EDA: variants seen among roughly 807,000 people sequenced by gnomAD.
The protein encoded by EDA is ectodysplasin A.
A neutral mutation model predicts 23.6 loss-of-function variants in EDA; 2 were observed. The ratio of observed to expected loss-of-function variants is 0.08; its 90% CI spans 0.03 to 0.27. The LOEUF is 0.27. Ranked by LOEUF, EDA falls within the 10% of genes least tolerant of loss-of-function variation. The pLI is 1.00. For synonymous variants in EDA, 131 were observed against 132.0 expected, an observed-to-expected ratio of 0.99 and a Z score of 0.05; for missense variants, 229 against 324.2, an observed-to-expected ratio of 0.71 and a Z score of 2.26.
intron 1 of EDA, chrX:69,749,776 A>G (rs1039781764): frequency 3.6e-5 from 4 of 111,084 alleles, no homozygotes; most frequent in African/African-American, 1.3e-4. Flanking sequence ...ACAACACTAA[A>G]CTACATACAA....
At chrX:69,677,210 T>C in intron 1 of EDA, among the ~76,000 whole-genome samples, 1 of 105,346 alleles carries the variant, frequency 9.5e-6, no homozygotes, top group East Asian at 3.0e-4. Context: ...TGCCACATTT[T>C]CTTAATCCAG....
At chrX:69,947,163 C>T (rs991254767) in intron 1 of EDA, among the ~76,000 whole-genome samples, 8 of 112,462 alleles carry the variant, frequency 7.1e-5, no homozygotes, top group Non-Finnish European at 1.3e-4. Flanking sequence ...AATAAGCACA[C>T]ACTCCCAAGG....
At chrX:69,636,350 A>T (rs1205717701) in intron 1 of EDA, among the ~76,000 whole-genome samples, 1 of 110,616 alleles carries the variant, frequency 9.0e-6, no homozygotes, top group East Asian at 2.8e-4. Context: ...GAAGCCAAGC[A>T]GATGTAGGTA....
chrX:69,814,380 A>G (rs1218528003), intron 1 of EDA, among the ~76,000 whole-genome samples: 1 of 113,052 alleles, frequency 8.8e-6, no homozygotes, highest in Non-Finnish European at 1.9e-5. Context: ...GTATCAAAAT[A>G]CCTGCAGTTC....
At chrX:69,819,834 C>G (rs1215288772) in intron 1 of EDA, among the ~76,000 whole-genome samples, 2 of 106,599 alleles carry the variant, frequency 1.9e-5, no homozygotes, top group African/African-American at 7.0e-5. Context: ...ATGCTATTCT[C>G]GTTAAACTAC....
intron 1 of EDA, among the ~76,000 whole-genome samples, chrX:69,903,509 A>G (rs2018125966): frequency 9.1e-6 from 1 of 109,385 alleles, no homozygotes; most frequent in African/African-American, 3.3e-5. Flanking sequence ...GACATATTAT[A>G]TATTGTCTGT....
At position 70,033,262 on chromosome X, in the gene EDA, T is replaced by G. The variant is rs1358042410; in HGVS notation, c.794-136T>G. The G allele has an allele frequency of 3.7e-6, 3 of 819,339 alleles. No homozygotes were observed. In the African/African-American group the frequency reaches 6.0e-5, roughly 16 times the overall value. The allele number at this position is 819,339 out of a possible 1,213,427, so 67.5% of individuals were successfully genotyped here. On this transcript the variant is annotated intron_variant, in intron 6 of 7. Coordinates refer to ENST00000374552, the MANE Select transcript of EDA (RefSeq NM_001399.5). The stretch of plus-strand genomic sequence containing the variant: ...ACAGCTTCTCTGCTTTCAAATGCTC[T>G]TCTTAAAGTTTGGCCTTCTAGGCTA...
At chrX:69,851,287 C>G (rs1256979623) in intron 1 of EDA, among the ~76,000 whole-genome samples, 2 of 111,057 alleles carry the variant, frequency 1.8e-5, no homozygotes, top group Non-Finnish European at 3.8e-5. Context: ...TCTTCTCACC[C>G]TGCTCAATTT....
chrX:69,837,385 A>G (rs2016801095), intron 1 of EDA, among the ~76,000 whole-genome samples: 1 of 111,953 alleles, frequency 8.9e-6, no homozygotes, highest in African/African-American at 3.3e-5. Context: ...TAATTGTTCC[A>G]TGAGATGATG....
At chrX:69,673,832 C>T (rs567582519) in intron 1 of EDA, among the ~76,000 whole-genome samples, 1 of 111,572 alleles carries the variant, frequency 9.0e-6, no homozygotes, top group South Asian at 3.8e-4. Context: ...AAAGTCTATT[C>T]TCCAAGGAAT....
At chrX:69,903,985 G>C (rs1340514156) in intron 1 of EDA, among the ~76,000 whole-genome samples, 1 of 109,284 alleles carries the variant, frequency 9.2e-6, no homozygotes, top group Non-Finnish European at 1.9e-5. Flanking sequence ...TAATTTTTTT[G>C]TATTTTTTTT....
intron 1 of EDA, among the ~76,000 whole-genome samples, chrX:69,689,864 G>T (rs1229832635): frequency 9.0e-6 from 1 of 111,457 alleles, no homozygotes; most frequent in Admixed American, 9.5e-5. Flanking sequence ...GTAGTTTTCA[G>T]TATAAGTTCT....
chrX:69,759,513 A>G (rs1057174530), intron 1 of EDA, among the ~76,000 whole-genome samples: 1 of 112,036 alleles, frequency 8.9e-6, no homozygotes, highest in Non-Finnish European at 1.9e-5. Context: ...GACTCAGTGG[A>G]TAATTCCAGT....
At chrX:69,778,109 A>T (rs752384333) in intron 1 of EDA, among the ~76,000 whole-genome samples, 4 of 111,631 alleles carry the variant, frequency 3.6e-5, no homozygotes, top group African/African-American at 1.3e-4. Flanking sequence ...TTTTAATTCA[A>T]ACCTTCTGTA....
At chrX:69,718,152 G>A (rs1569307037) in intron 1 of EDA, among the ~76,000 whole-genome samples, 1 of 112,014 alleles carries the variant, frequency 8.9e-6, no homozygotes, top group East Asian at 2.8e-4. Flanking sequence ...ACCAGTGTGA[G>A]AATGGACTAA....
chrX:69,784,918 C>A, intron 1 of EDA, among the ~76,000 whole-genome samples: 1 of 111,262 alleles, frequency 9.0e-6, no homozygotes, highest in Non-Finnish European at 1.9e-5. Context: ...TTCTTCCTAC[C>A]CATGAGCATG....
chrX:69,999,545 G>A (rs1362285400), intron 2 of EDA, among the ~76,000 whole-genome samples: 2 of 107,900 alleles, frequency 1.9e-5, no homozygotes, highest in African/African-American at 6.8e-5. Context: ...CAACCCAGGA[G>A]GCAGAGGTTG....
rs1189179243 is a variant in EDA, at chrX:69,764,234, C to CTTTTTTTTTTTTTTTT, written c.396+147541_396+147556dup. Among the ~76,000 whole-genome samples, 12 of 44,544 alleles carry CTTTTTTTTTTTTTTTT rather than the reference C, an allele frequency of 2.7e-4. 1 individual carries two copies. The highest frequency in any genetic ancestry group is 4.9e-4 in the African/African-American group (5 of 10,145). The allele number at this position is 44,544 out of a possible 115,157, so 38.7% of individuals were successfully genotyped here. A position where few individuals can be genotyped will look rare whatever the true frequency, so the allele number is the denominator to read the frequency against. On this transcript the variant is annotated intron_variant, in intron 1 of 7. Transcript: ENST00000374552. ...CTACCACTCCCATTCATTTTTTATT[C>CTTTTTTTTTTTTTTTT]TTTTTTTTTTTTTTTTTTTTTTTTT... is the stretch of plus-strand genomic sequence containing the variant.
intron 1 of EDA, among the ~76,000 whole-genome samples, chrX:69,920,446 G>A (rs1165337717): frequency 9.0e-6 from 1 of 110,678 alleles, no homozygotes; most frequent in Non-Finnish European, 1.9e-5. Context: ...CATCCAAGAT[G>A]CCACAGTACA....
Sources: gnomAD v4.1 joint callset for allele counts (sites outside exome capture counted in the v4.1 genomes callset) on GRCh38, gnomAD v4.1.1 for gene constraint, MANE v1.5 for transcripts, NCBI Gene and HGNC (gene_info 2026-07-23, HGNC 2026-07-21) for gene names.